The following ATP13A2 variants were observed in gnomAD, a reference collection of about 807,000 sequenced individuals.
ATP13A2 encodes polyamine-transporting ATPase 13A2.
In ATP13A2, 83 loss-of-function variants were observed where a neutral mutation model predicts 138.3. The ratio of observed to expected loss-of-function variants is 0.60; its 90% CI spans 0.50 to 0.72. The LOEUF is 0.72. Ranked by LOEUF, ATP13A2 falls within the 30% of genes least tolerant of loss-of-function variation. The probability of loss-of-function intolerance (pLI) is 0.00; values close to 1 mark genes in which losing one functional copy is unlikely to be tolerated. For synonymous variants in ATP13A2, 663 were observed against 699.0 expected, an observed-to-expected ratio of 0.95 and a Z score of 0.81; for missense variants, 1,402 against 1,606.4, an observed-to-expected ratio of 0.87 and a Z score of 2.17.
rs939756229 is a variant in ATP13A2 at position 17,004,467 on chromosome 1, T to C, written c.478-56A>G. 2 of 1,595,842 alleles carry C rather than the reference T, an allele frequency of 1.3e-6. No homozygotes were observed. Among genetic ancestry groups the C allele is most frequent in the African/African-American group, 1.3e-5 (1 of 74,398 alleles). ...AAGCTGGCCCCGGCCCCAGAAGCAG[T>C]GTGCTTATGCTGGGAGCCGAGGGAT... On this transcript the variant is annotated intron_variant, in intron 5 of 28. Coordinates refer to ENST00000326735, the MANE Select transcript of ATP13A2 (RefSeq NM_022089.4). This position sits in a 1 kb window ranked among gnomAD's most constrained non-coding sequence, Gnocchi z 4.1.
chr1:17,000,065 A>G lies in ATP13A2; in HGVS notation c.985T>C (p.Cys329Arg). 2 of 1,613,228 alleles carry G rather than the reference A, an allele frequency of 1.2e-6. No homozygotes were observed. Among genetic ancestry groups the G allele is most frequent in the South Asian group, 2.2e-5 (2 of 91,028 alleles). ...TCGCCGGCCACCAGGGCGGCATCAC[A>G]GGGCATCAGCCCACCCTCCTGGGGC... ...VLPQEGGLMP[C>R]DAALVAGECM... The change falls in exon 11 of 29, where the codon TGT (cysteine) becomes CGT (arginine). Residue 329 changes from cysteine to arginine, a missense_variant. Cys to Arg is a radical substitution (Grantham distance 180, BLOSUM62 -3). Coordinates refer to ENST00000326735, the MANE Select transcript of ATP13A2 (RefSeq NM_022089.4).
At chr1:17,000,346 TG>T (rs2077306949) in intron 9 of ATP13A2, 34 bp from the exon 10 acceptor site, 2 of 1,584,586 alleles carry the variant, frequency 1.3e-6, no homozygotes, top group Admixed American at 3.7e-5. Context: ...CGTGAGTGGG[TG>T]GGGGCCCCTG....
chr1:16,987,152 G>C lies in ATP13A2; in HGVS notation c.2977C>G (p.Pro993Ala), dbSNP rs751473461. ...ACGGGCACGCTGAGCAGCGCCCCCG[G>C]TGGCCGCACCCGTCCCAGGACCAGC... ...PALVLGRVRP[P>A]GALLSVPVLS... Residue 993 changes from proline (P) to alanine (A), a missense_variant, in exon 26 of 29, where the codon CCG (proline) becomes GCG (alanine). Transcript: ENST00000326735. 6.2e-7 allele frequency: 1 copy of C among 1,613,134 alleles called. No individual in the cohort carries two copies. Among genetic ancestry groups the C allele is most frequent in the Non-Finnish European group, 8.5e-7 (1 of 1,179,646 alleles).
intron 7 of ATP13A2, 55 bp downstream of exon 7, chr1:17,002,241 G>C: frequency 1.3e-6 from 2 of 1,596,980 alleles, no homozygotes; most frequent in Non-Finnish European, 1.7e-6. Flanking sequence ...CCACATTGGG[G>C]GGCAACACAA....
intron 12 of ATP13A2, 94 bp downstream of exon 12, chr1:16,996,926 G>C (rs987521674): frequency 7.4e-6 from 11 of 1,478,360 alleles, no homozygotes; most frequent in Non-Finnish European, 1.0e-5. Context: ...GTGGGCGTGG[G>C]GTCCAGGGTT....
chr1:16,987,348 C>T, intron 25 of ATP13A2, 79 bp from the exon 26 acceptor site: 1 of 1,367,590 alleles, frequency 7.3e-7, no homozygotes, highest in South Asian at 1.2e-5. Context: ...GAGGCCCCAC[C>T]CCTGCCCCGA....
intron 11 of ATP13A2, among the ~76,000 whole-genome samples, chr1:16,999,640 G>A (rs1281862360): frequency 2.6e-5 from 4 of 152,118 alleles, no homozygotes; most frequent in Non-Finnish European, 4.4e-5. Flanking sequence ...GCTGGCACAC[G>A]CCTGAAATCC....
chr1:16,992,122 G>A lies in ATP13A2; in HGVS notation c.2013C>T (p.Thr671=), dbSNP rs1176219513. The A allele has an allele frequency of 3.0e-5, 49 of 1,613,086 alleles. No homozygotes were observed. The highest frequency in any genetic ancestry group is 6.7e-5 in the African/African-American group (5 of 74,942). Residue 671 remains threonine, a synonymous_variant, in exon 19 of 29, where the codon ACC becomes ACT. Coordinates refer to ENST00000326735, the MANE Select transcript of ATP13A2 (RefSeq NM_022089.4). ...AGLCNPETVP[T]DFAQMLQSYT... is the part of the protein sequence containing the mutation. ...AGCTCTGCAGCATCTGGGCGAAGTC[G>A]GTGGGCACTGCCAGGGAGAGGCAGG...
chr1:16,998,450 C>G (rs2077224553), intron 11 of ATP13A2, among the ~76,000 whole-genome samples: 1 of 152,122 alleles, frequency 6.6e-6, no homozygotes, highest in South Asian at 2.1e-4. Context: ...AGGCAATCCA[C>G]CCACCTCTGC....
chr1:17,006,675 G>A (rs896703210), intron 1 of ATP13A2, among the ~76,000 whole-genome samples: 8 of 152,104 alleles, frequency 5.3e-5, no homozygotes, highest in Non-Finnish European at 1.2e-4. Flanking sequence ...TAGCTTCCTT[G>A]GAGCTCTGGG....
chr1:17,005,374 CTCTT>C lies in ATP13A2; in HGVS notation c.284_287del (p.Lys95ArgfsTer60). On this transcript the variant is annotated frameshift_variant and splice_region_variant, in exon 3 of 29. Coordinates refer to ENST00000326735, the MANE Select transcript of ATP13A2 (RefSeq NM_022089.4). LOFTEE classifies it high-confidence loss of function. ...GCCCCAGGCTCAGCCTGACTCTCACCTCTTTGTCTCTTATTTCGATAACGAGTGT... is the reference window on the plus strand; with the variant it reads ...GCCCCAGGCTCAGCCTGACTCTCACCTGTCTCTTATTTCGATAACGAGTGT... 6.3e-7 allele frequency: 1 copy of C among 1,596,342 alleles called. No individual in the cohort carries two copies. Among genetic ancestry groups the C allele is most frequent in the Non-Finnish European group, 8.5e-7 (1 of 1,171,164 alleles).
intron 7 of ATP13A2, 69 bp from the exon 8 acceptor site, chr1:17,002,172 G>C: frequency 6.3e-7 from 1 of 1,582,248 alleles, no homozygotes; most frequent in Non-Finnish European, 8.6e-7. Context: ...GGGTGAAGGA[G>C]CTCCCCACTT....
chr1:17,004,893 A>C lies in ATP13A2; in HGVS notation c.348-72T>G. 6.2e-7 allele frequency: 1 copy of C among 1,613,132 alleles called. No individual in the cohort carries two copies. Among genetic ancestry groups the C allele is most frequent in the Non-Finnish European group, 8.5e-7 (1 of 1,179,874 alleles). ...GGCACCTCCCTGTGCTCACAGAGCC[A>C]TCTTCCCTCCCTAGGATGGGAGGCG... On this transcript the variant is annotated intron_variant, in intron 4 of 28. Coordinates refer to ENST00000326735, the MANE Select transcript of ATP13A2 (RefSeq NM_022089.4). This position sits in a 1 kb window ranked among gnomAD's most constrained non-coding sequence, Gnocchi z 4.1.
At position 17,004,425 on chromosome 1, in the gene ATP13A2, A is replaced by G; in HGVS notation, c.478-14T>C. The G allele has an allele frequency of 6.2e-7, 1 of 1,613,738 alleles. No homozygotes were observed. Among genetic ancestry groups the G allele is most frequent in the Non-Finnish European group, 8.5e-7 (1 of 1,179,844 alleles). The stretch of plus-strand genomic sequence containing the variant: ...CAGCACCCGCTTCTGGGTGGGAGAG[A>G]GGAGAGGATGGGTTGGAAGCTGGCC... On this transcript the variant is annotated splice_polypyrimidine_tract_variant and intron_variant, in intron 5 of 28. Transcript: ENST00000326735. This position sits in a 1 kb window ranked among gnomAD's most constrained non-coding sequence, Gnocchi z 4.1.
chr1:16,995,782 A>C lies in ATP13A2; in HGVS notation c.1542+194T>G. 1.3e-6 allele frequency: 1 copy of C among 755,772 alleles called. No individual in the cohort carries two copies. The highest frequency in any genetic ancestry group is 2.3e-6 in the Non-Finnish European group (1 of 439,796). 46.8% of individuals were successfully genotyped at this position (755,772 alleles called of 1,614,324 possible). Reference sequence around the variant, plus strand: ...CTTGAACACATGAATACATGATTCTAGACATTTCATCTGCCAGACCGTGAG... The same window carrying C: ...CTTGAACACATGAATACATGATTCTCGACATTTCATCTGCCAGACCGTGAG... On this transcript the variant is annotated intron_variant, in intron 15 of 28. Transcript: ENST00000326735. The surrounding 1 kb of genome is among the most constrained non-coding windows in gnomAD (Gnocchi z 4.1).
intron 25 of ATP13A2, among the ~76,000 whole-genome samples, chr1:16,987,823 G>A (rs901137041): frequency 3.3e-5 from 5 of 151,922 alleles, no homozygotes; most frequent in Non-Finnish European, 7.4e-5. Flanking sequence ...GGGATGGGGC[G>A]GGGGCGAGGG....
chr1:16,991,198 G>A (rs562765737), intron 20 of ATP13A2, among the ~76,000 whole-genome samples: 5 of 152,226 alleles, frequency 3.3e-5, no homozygotes, highest in African/African-American at 7.2e-5. Context: ...TGATCCGCCC[G>A]CGTCGGCCTC....
In ATP13A2 at chr1:16,995,903, G is replaced by A. The variant is rs752217865; in HGVS notation, c.1542+73C>T. ...CTGTGGGTGCTGCTGAGAGAATAAC[G>A]CGGGTGTGGAGGCCTCACTGGGGCG... On this transcript the variant is annotated intron_variant, in intron 15 of 28. Coordinates refer to ENST00000326735, the MANE Select transcript of ATP13A2 (RefSeq NM_022089.4). The surrounding 1 kb of genome is among the most constrained non-coding windows in gnomAD (Gnocchi z 4.1). The A allele has an allele frequency of 3.1e-5, 48 of 1,566,580 alleles. No homozygotes were observed. Among genetic ancestry groups the A allele is most frequent in the African/African-American group, 2.8e-4 (21 of 73,872 alleles).
In ATP13A2 at chr1:16,986,220, A is replaced by C; in HGVS notation, c.*1T>G. On this transcript the variant is annotated 3_prime_UTR_variant, in exon 29 of 29. Transcript: ENST00000326735. The surrounding 1 kb of genome is among the most constrained non-coding windows in gnomAD (Gnocchi z 6.9). Reference sequence around the variant, plus strand: ...GTGTCTGGGGTGCCCGTGGGCCTGCACTACCTCAGGGGGCCGGCGGGCAGC... The same window carrying C: ...GTGTCTGGGGTGCCCGTGGGCCTGCCCTACCTCAGGGGGCCGGCGGGCAGC... 6.2e-7 allele frequency: 1 copy of C among 1,612,346 alleles called. No individual in the cohort carries two copies. The highest frequency in any genetic ancestry group is 8.5e-7 in the Non-Finnish European group (1 of 1,179,528).
Sources: allele counts gnomAD v4.1 joint callset (sites outside exome capture counted in the v4.1 genomes callset), GRCh38; gene constraint gnomAD v4.1.1; non-coding constraint Gnocchi (gnomAD v3.1); transcripts MANE v1.5; gene names NCBI Gene and HGNC (gene_info 2026-07-23, HGNC 2026-07-21).